TMEM135: variants seen among roughly 807,000 people sequenced by gnomAD.
TMEM135 encodes the protein peroxisomal membrane protein 52.
TMEM135 carries 30 observed loss-of-function variants against 60.3 expected under a neutral mutation model. The ratio of observed to expected loss-of-function variants is 0.50; its 90% confidence interval spans 0.37 to 0.68. The LOEUF (loss-of-function observed/expected upper bound fraction) is 0.68, where lower values mean the gene tolerates loss of function less well. Ranked by LOEUF, TMEM135 falls within the 30% of genes least tolerant of loss-of-function variation. TMEM135 has a pLI of 0.00. For missense variants in TMEM135, 468 were observed against 548.8 expected (o/e 0.85, Z 1.47); for synonymous variants, 190 against 186.7 (o/e 1.02, Z -0.14).
Position 87,247,762 on chromosome 11 carries a change from C to T in TMEM135, c.509+11078C>T, listed in dbSNP as rs1033075058. On this transcript the variant is annotated intron_variant, in intron 6 of 14. Coordinates refer to ENST00000305494, the MANE Select transcript of TMEM135 (RefSeq NM_022918.4). ...GATTTTCCAGGTGCCGTCTGTCACCCCTTTCTTTGACTAGGAAAGGGAACT... is the reference window on the plus strand; with the variant it reads ...GATTTTCCAGGTGCCGTCTGTCACCTCTTTCTTTGACTAGGAAAGGGAACT... Among the ~76,000 whole-genome samples, 5 of 152,252 alleles carry T rather than the reference C, an allele frequency of 3.3e-5. No individual in the cohort carries two copies. In the East Asian group the frequency reaches 9.7e-4, roughly 29 times the overall value.
At chr11:87,083,150 G>A (rs978283985) in intron 3 of TMEM135, among the ~76,000 whole-genome samples, 10 of 152,094 alleles carry the variant, frequency 6.6e-5, no homozygotes, top group African/African-American at 2.4e-4. Context: ...CCAGTAAGAG[G>A]GCAGCTTACT....
At chr11:87,319,154 C>T in intron 13 of TMEM135, 156 bp from the exon 14 acceptor site, 1 of 662,964 alleles carries the variant, frequency 1.5e-6, no homozygotes, top group Non-Finnish European at 2.7e-6. Flanking sequence ...CAGGTGTGAG[C>T]CACCGTGCCC....
chr11:87,074,251 C>G (rs1856828318), intron 3 of TMEM135, among the ~76,000 whole-genome samples: 1 of 152,194 alleles, frequency 6.6e-6, no homozygotes, highest in Non-Finnish European at 1.5e-5. Context: ...CAGGCATGAG[C>G]TACTGGGCCC....
chr11:87,107,659 A>G (rs1199907268), intron 4 of TMEM135, among the ~76,000 whole-genome samples: 2 of 152,152 alleles, frequency 1.3e-5, no homozygotes, highest in Non-Finnish European at 2.9e-5. Flanking sequence ...AATCCAGGCT[A>G]TCATTAATGG....
In TMEM135 at chr11:87,321,517, A is replaced by C; in HGVS notation, c.*184A>C. ...GCTTTTTAGGAAGATGTTGCTTAAT[A>C]ATTAAGCTTCCTCCATAGCCAGAAT... On this transcript the variant is annotated 3_prime_UTR_variant, in exon 15 of 15. Transcript: ENST00000305494. 1.4e-6 allele frequency: 1 copy of C among 723,636 alleles called. No individual in the cohort carries two copies. The highest frequency in any genetic ancestry group is 2.4e-6 in the Non-Finnish European group (1 of 408,370). 44.8% of individuals were successfully genotyped at this position (723,636 alleles called of 1,614,324 possible). A position where few individuals can be genotyped will look rare whatever the true frequency, so the allele number is the denominator to read the frequency against.
intron 5 of TMEM135, among the ~76,000 whole-genome samples, chr11:87,204,606 G>A (rs569563058): frequency 6.6e-6 from 1 of 152,264 alleles, no homozygotes; most frequent in East Asian, 1.9e-4. Flanking sequence ...AATAAAGTAA[G>A]CTAGAGAAAA....
intron 5 of TMEM135, among the ~76,000 whole-genome samples, chr11:87,224,904 G>A (rs1355546074): frequency 1.3e-5 from 2 of 151,896 alleles, no homozygotes; most frequent in Non-Finnish European, 2.9e-5. Context: ...ATGTAAACAA[G>A]TGAGGTTTTA....
Position 87,159,593 on chromosome 11 carries a change from G to GCACACACACA in TMEM135, c.462+2203_462+2212dup, listed in dbSNP as rs146638445. Among the ~76,000 whole-genome samples, 63 of 124,966 alleles carry GCACACACACA rather than the reference G, an allele frequency of 5.0e-4. No homozygotes were observed. The Middle Eastern group carries it at 0.012, about 25-fold the overall frequency. The allele number at this position is 124,966 out of a possible 152,430, so 82.0% of individuals were successfully genotyped here. On this transcript the variant is annotated intron_variant, in intron 5 of 14. Transcript: ENST00000305494. ...AAGATACTACTGAATACACACACGC[G>GCACACACACA]CACACACACACACACACACACACAC...
intron 6 of TMEM135, among the ~76,000 whole-genome samples, chr11:87,273,643 T>G (rs1417996704): frequency 6.6e-6 from 1 of 152,144 alleles, no homozygotes; most frequent in East Asian, 1.9e-4. Context: ...TAAGACAAAT[T>G]GTTGGAAACC....
chr11:87,291,284 T>G (rs1473354778), intron 6 of TMEM135, among the ~76,000 whole-genome samples: 1 of 152,142 alleles, frequency 6.6e-6, no homozygotes, highest in Non-Finnish European at 1.5e-5. Flanking sequence ...TATTCCCTAC[T>G]TTAATGAGTG....
At chr11:87,148,369 A>G (rs1249803637) in intron 4 of TMEM135, among the ~76,000 whole-genome samples, 1 of 152,202 alleles carries the variant, frequency 6.6e-6, no homozygotes, top group Non-Finnish European at 1.5e-5. Flanking sequence ...AATTGGCAGA[A>G]TGCTATTAGA....
intron 5 of TMEM135, among the ~76,000 whole-genome samples, chr11:87,230,112 TC>T (rs1352454947): frequency 6.6e-6 from 1 of 152,012 alleles, no homozygotes; most frequent in Non-Finnish European, 1.5e-5. Flanking sequence ...CCTTAGTAGT[TC>T]CTCTCCATCA....
intron 8 of TMEM135, 33 bp from the exon 9 acceptor site, chr11:87,305,903 T>C: frequency 6.4e-7 from 1 of 1,559,546 alleles, no homozygotes; most frequent in Non-Finnish European, 8.8e-7. Flanking sequence ...ACTTTAATTA[T>C]AATTAGTTTA....
In TMEM135 at chr11:87,116,345, A is replaced by G. The variant is rs549467941; in HGVS notation, c.396+24950A>G. Among the ~76,000 whole-genome samples the G allele has an allele frequency of 2.6e-5, 4 of 152,332 alleles. No individual in the cohort carries two copies. In the South Asian group the frequency reaches 8.3e-4, roughly 32 times the overall value. On this transcript the variant is annotated intron_variant, in intron 4 of 14. Transcript: ENST00000305494. ...TTTCCAACATATGGCTTCAATTTGCATTTCAATCAGAATATGGAAGTCATT... is the reference window on the plus strand; with the variant it reads ...TTTCCAACATATGGCTTCAATTTGCGTTTCAATCAGAATATGGAAGTCATT...
intron 5 of TMEM135, among the ~76,000 whole-genome samples, chr11:87,162,800 T>A (rs1938921520): frequency 6.6e-6 from 1 of 152,188 alleles, no homozygotes; most frequent in African/African-American, 2.4e-5. Flanking sequence ...CGCCACACTG[T>A]CTTCCACAAT....
chr11:87,062,243 A>C (rs1167731743), intron 1 of TMEM135, among the ~76,000 whole-genome samples: 1 of 151,874 alleles, frequency 6.6e-6, no homozygotes, highest in Non-Finnish European at 1.5e-5. Context: ...TGATCTCGTG[A>C]TCCGCCCACC....
intron 4 of TMEM135, among the ~76,000 whole-genome samples, chr11:87,148,625 A>T (rs1303846313): frequency 6.6e-6 from 1 of 152,180 alleles, no homozygotes; most frequent in Non-Finnish European, 1.5e-5. Context: ...AAATATATAA[A>T]GTAAGTAGCC....
chr11:87,074,088 C>G (rs1856825014), intron 3 of TMEM135, among the ~76,000 whole-genome samples: 1 of 152,086 alleles, frequency 6.6e-6, no homozygotes, highest in South Asian at 2.1e-4. Flanking sequence ...GTCTCAGCCT[C>G]CCAAGTAGCT....
At chr11:87,244,853 A>G (rs1941224950) in intron 6 of TMEM135, among the ~76,000 whole-genome samples, 1 of 148,738 alleles carries the variant, frequency 6.7e-6, no homozygotes, top group Non-Finnish European at 1.5e-5. Context: ...TGTTTCCTTC[A>G]GTTCTGCTCT....
Sources: allele counts gnomAD v4.1 joint callset (sites outside exome capture counted in the v4.1 genomes callset), GRCh38; gene constraint gnomAD v4.1.1; transcripts MANE v1.5; gene names NCBI Gene and HGNC (gene_info 2026-07-23, HGNC 2026-07-21).